TBL1X: variants seen among roughly 807,000 people sequenced by gnomAD.
TBL1X encodes the protein transducin beta like 1 X-linked, also known as F-box-like/WD repeat-containing protein TBL1X.
A neutral mutation model predicts 50.7 loss-of-function variants in TBL1X; 10 were observed. The ratio of observed to expected loss-of-function variants is 0.20; its 90% confidence interval spans 0.12 to 0.33. The LOEUF (loss-of-function observed/expected upper bound fraction) is 0.33. Ranked by LOEUF, TBL1X falls within the 10% of genes least tolerant of loss-of-function variation. The pLI is 1.00. For missense variants in TBL1X, 340 were observed against 504.4 expected (o/e 0.67, Z 3.12); for synonymous variants, 190 against 214.7 (o/e 0.88, Z 1.01).
At chrX:9,569,326 T>TGTCTATC (rs1382824385) in intron 2 of TBL1X, among the ~76,000 whole-genome samples, 5 of 58,506 alleles carry the variant, frequency 8.5e-5, no homozygotes, top group Admixed American at 2.3e-4. Flanking sequence ...GCTGTGTGTG[T>TGTCTATC]TGTGTCTATC....
intron 5 of TBL1X, among the ~76,000 whole-genome samples, chrX:9,660,620 T>G (rs933788662): frequency 3.6e-5 from 4 of 111,807 alleles, no homozygotes; most frequent in African/African-American, 1.3e-4. Flanking sequence ...TATACATTTT[T>G]CTTGCCTCCA....
intron 1 of TBL1X, among the ~76,000 whole-genome samples, chrX:9,483,872 A>G (rs1273520361): frequency 9.0e-6 from 1 of 111,412 alleles, no homozygotes; most frequent in Non-Finnish European, 1.9e-5. Context: ...ATACGCTAAT[A>G]TGTAGTCTTG....
chrX:9,670,154 C>T (rs1265637160), intron 5 of TBL1X, among the ~76,000 whole-genome samples: 3 of 111,556 alleles, frequency 2.7e-5, no homozygotes, highest in Non-Finnish European at 5.6e-5. Context: ...TCAAGATTTG[C>T]ATCTTCCCCT....
intron 2 of TBL1X, among the ~76,000 whole-genome samples, chrX:9,556,737 G>A (rs1601755318): frequency 9.0e-6 from 1 of 110,567 alleles, no homozygotes; most frequent in East Asian, 2.8e-4. Context: ...CATCTACAGG[G>A]TGGTGGTATT....
In TBL1X at chrX:9,590,950, C is replaced by T. The variant is rs2285576; in HGVS notation, c.-130-49323C>T. Among the ~76,000 whole-genome samples the T allele has an allele frequency of 1.9e-4, 18 of 95,459 alleles. No individual in the cohort carries two copies. The East Asian group carries it at 2.9e-3, about 16-fold the overall frequency. 82.9% of individuals were successfully genotyped at this position (95,459 alleles called of 115,157 possible). On this transcript the variant is annotated intron_variant, in intron 2 of 17. Transcript: ENST00000645353. ...GGGGGCTGTGCCTTTCTCAGAGACT[C>T]GAGGGCTATGCCCAAATCGTTATGC...
chrX:9,674,888 A>C (rs2082984084), intron 5 of TBL1X, among the ~76,000 whole-genome samples: 1 of 111,517 alleles, frequency 9.0e-6, no homozygotes, highest in Admixed American at 9.5e-5. Context: ...TGCCAATCTT[A>C]GTTCTTTGCT....
chrX:9,621,025 G>A (rs2082664295), intron 2 of TBL1X, among the ~76,000 whole-genome samples: 1 of 112,094 alleles, frequency 8.9e-6, no homozygotes, highest in African/African-American at 3.2e-5. Flanking sequence ...CACGGAGTGG[G>A]AGGGAGGTGT....
intron 5 of TBL1X, among the ~76,000 whole-genome samples, chrX:9,677,691 C>A (rs1222588968): frequency 9.0e-6 from 1 of 111,592 alleles, no homozygotes; most frequent in Non-Finnish European, 1.9e-5. Flanking sequence ...CATGGTGTGG[C>A]ACGCCCCAGC....
At chrX:9,473,239 G>A (rs1166602265) in intron 1 of TBL1X, among the ~76,000 whole-genome samples, 2 of 112,221 alleles carry the variant, frequency 1.8e-5, no homozygotes, top group African/African-American at 3.2e-5. Flanking sequence ...GGAAATTGAC[G>A]TCCCTGCCAT....
intron 7 of TBL1X, 116 bp from the exon 8 acceptor site, chrX:9,691,463 A>G (rs764478534): frequency 2.8e-6 from 2 of 714,449 alleles, no homozygotes; most frequent in East Asian, 3.7e-5. Flanking sequence ...AAGAAAAGGA[A>G]TCATCAGAGG....
rs1173844145 is a variant in TBL1X, at chrX:9,711,775, A to G, written c.1604A>G (p.Gln535Arg). The change falls in exon 16 of 18, where the codon CAG (glutamine) becomes CGG (arginine). Residue 535 changes from glutamine (Q) to arginine (R), a missense_variant and splice_region_variant. By Grantham distance (43) the Gln-to-Arg change is conservative (BLOSUM62 1). Around this residue, in one of 6 missense-constraint regions of TBL1X, gnomAD observed 170 missense variants for 272.6 expected, o/e 0.62. Coordinates refer to ENST00000645353, the MANE Select transcript of TBL1X (RefSeq NM_005647.4). ...FDKCVHIWNT[Q>R]SGNLVHSYRG... ...AAGTGCGTCCATATCTGGAATACTCAGGTAAGCTCCCGACCCCTACACCAA... is the reference window on the plus strand; with the variant it reads ...AAGTGCGTCCATATCTGGAATACTCGGGTAAGCTCCCGACCCCTACACCAA... 2.5e-6 allele frequency: 3 copies of G among 1,194,000 alleles called. No individual in the cohort carries two copies. The Admixed American group carries it at 6.8e-5, about 27-fold the overall frequency.
intron 2 of TBL1X, among the ~76,000 whole-genome samples, chrX:9,570,379 G>T (rs1203634548): frequency 9.0e-6 from 1 of 111,597 alleles, no homozygotes; most frequent in Non-Finnish European, 1.9e-5. Context: ...ATGGGACGTG[G>T]GGAGCGCGTA....
intron 2 of TBL1X, among the ~76,000 whole-genome samples, chrX:9,613,402 A>C (rs774896656): frequency 2.6e-3 from 288 of 111,634 alleles, no homozygotes; most frequent in African/African-American, 8.8e-3. Context: ...AATTAATTTA[A>C]ATTTAAAAAT....
At chrX:9,716,126 A>AT in intron 17 of TBL1X, 94 bp from the exon 18 acceptor site, 1 of 960,185 alleles carries the variant, frequency 1.0e-6, no homozygotes, top group Admixed American at 2.4e-5. Flanking sequence ...GGAGGGCTAG[A>AT]TTGGGCGTGG....
rs1461860530 is a variant in TBL1X at position 9,718,635 on chromosome X, G to A, written c.*2389G>A. 6 of 112,005 alleles carry A rather than the reference G, an allele frequency of 5.4e-5. No individual in the cohort carries two copies. Among genetic ancestry groups the A allele is most frequent in the South Asian group, 3.7e-4 (1 of 2,720 alleles). The allele number at this position is 112,005 out of a possible 1,213,427, so 9.2% of individuals were successfully genotyped here. A position where few individuals can be genotyped will look rare whatever the true frequency, so the allele number is the denominator to read the frequency against. ...ATCTGCTGTCAAAGGCCAGCCTGTC[G>A]TTAGGGCATGGCTTATGCTTGACAA... is the stretch of plus-strand genomic sequence containing the variant. On this transcript the variant is annotated 3_prime_UTR_variant, in exon 18 of 18. Transcript: ENST00000645353.
At chrX:9,564,938 G>A (rs1419991154) in intron 2 of TBL1X, among the ~76,000 whole-genome samples, 2 of 109,118 alleles carry the variant, frequency 1.8e-5, no homozygotes, top group Non-Finnish European at 3.8e-5. Flanking sequence ...GAAAACAGAG[G>A]CAAATAATAA....
At chrX:9,486,166 A>G (rs2081911447) in intron 1 of TBL1X, among the ~76,000 whole-genome samples, 1 of 111,150 alleles carries the variant, frequency 9.0e-6, no homozygotes, top group South Asian at 3.8e-4. Flanking sequence ...ACCTGGAGGC[A>G]TCATCTGCGT....
intron 5 of TBL1X, among the ~76,000 whole-genome samples, chrX:9,664,659 A>G (rs959701640): frequency 5.4e-5 from 6 of 111,709 alleles, no homozygotes; most frequent in African/African-American, 2.0e-4. Context: ...TTCAGTGTGG[A>G]GGATTCTGTT....
rs1035440120 is a variant in TBL1X, at chrX:9,717,572, C to T, written c.*1326C>T. The T allele has an allele frequency of 3.5e-5, 4 of 113,093 alleles. No homozygotes were observed. The highest frequency in any genetic ancestry group is 5.6e-5 in the Non-Finnish European group (3 of 53,443). The allele number at this position is 113,093 out of a possible 1,213,427, so 9.3% of individuals were successfully genotyped here. A position where few individuals can be genotyped will look rare whatever the true frequency, so the allele number is the denominator to read the frequency against. On this transcript the variant is annotated 3_prime_UTR_variant, in exon 18 of 18. Coordinates refer to ENST00000645353, the MANE Select transcript of TBL1X (RefSeq NM_005647.4). ...CCAGCAGGAAAGCAGCGAAGAGCCG[C>T]GCGCCCTCTGGCCTCAAGGGAGCAT...
Sources: gnomAD v4.1 joint callset for allele counts (sites outside exome capture counted in the v4.1 genomes callset) on GRCh38, gnomAD v4.1.1 for gene constraint, gnomAD v4.1.1 regional missense constraint, MANE v1.5 for transcripts, NCBI Gene and HGNC (gene_info 2026-07-23, HGNC 2026-07-21) for gene names.